Variants in FBXO38 observed in about 807,000 individuals in gnomAD.
FBXO38 encodes F-box protein 38, also known as F-box only protein 38.
FBXO38 carries 53 observed loss-of-function variants against 131.9 expected under a neutral mutation model. The ratio of observed to expected loss-of-function variants is 0.40; its 90% CI spans 0.32 to 0.51. The LOEUF is 0.51. Ranked by LOEUF, FBXO38 falls within the 20% of genes least tolerant of loss-of-function variation. FBXO38 has a pLI of 0.53. For synonymous variants in FBXO38, 452 were observed against 505.6 expected (o/e 0.89, Z 1.42); for missense variants, 1,076 against 1,475.6 (o/e 0.73, Z 4.44).
At chr5:148,429,861 T>A (rs1282207825) in intron 15 of FBXO38, among the ~76,000 whole-genome samples, 2 of 152,124 alleles carry the variant, frequency 1.3e-5, no homozygotes, top group Non-Finnish European at 2.9e-5. Context: ...TTTTCTTAAG[T>A]TAAATCATTC....
At chr5:148,395,506 A>G (rs1758435229) in intron 2 of FBXO38, among the ~76,000 whole-genome samples, 1 of 151,754 alleles carries the variant, frequency 6.6e-6, no homozygotes, top group Non-Finnish European at 1.5e-5. Flanking sequence ...CTGTCATTCT[A>G]GTTTCCACTG....
intron 13 of FBXO38, among the ~76,000 whole-genome samples, chr5:148,424,341 T>C (rs903320349): frequency 2.0e-5 from 3 of 152,236 alleles, no homozygotes; most frequent in Non-Finnish European, 4.4e-5. Context: ...CTGCTTTTTC[T>C]TTATAGCCAC....
In FBXO38 at chr5:148,417,035, T is replaced by A; in HGVS notation, c.1449T>A (p.Gly483=). Residue 483 remains glycine (G), a synonymous_variant, in exon 12 of 22, where the codon GGT becomes GGA. Coordinates refer to ENST00000340253, the MANE Select transcript of FBXO38 (RefSeq NM_205836.3). ...GTCTGAGTGCAGGCACAGGAATTGG[T>A]GTTTCATCAGCTCTTGTTAGCAACC... ...RVGLSAGTGI[G]VSSALVSNQN... is the part of the protein sequence containing the mutation. The A allele has an allele frequency of 1.2e-6, 2 of 1,613,906 alleles. No individual in the cohort carries two copies. Among genetic ancestry groups the A allele is most frequent in the Non-Finnish European group, 1.7e-6 (2 of 1,179,854 alleles).
chr5:148,406,833 C>G (rs1752472364), intron 7 of FBXO38, among the ~76,000 whole-genome samples: 1 of 152,072 alleles, frequency 6.6e-6, no homozygotes, highest in Non-Finnish European at 1.5e-5. Flanking sequence ...ATACATATTA[C>G]TTGGATATTG....
intron 10 of FBXO38, 105 bp from the exon 11 acceptor site, chr5:148,415,823 T>C (rs1753020831): frequency 8.2e-7 from 1 of 1,225,666 alleles, no homozygotes; most frequent in Non-Finnish European, 1.2e-6. Flanking sequence ...GGAAAAGTTA[T>C]TTTAAAAAAA....
Position 148,437,815 on chromosome 5 carries a change from A to T in FBXO38, c.2858-517A>T, listed in dbSNP as rs150855862. On this transcript the variant is annotated intron_variant, in intron 17 of 21. Coordinates refer to ENST00000340253, the MANE Select transcript of FBXO38 (RefSeq NM_205836.3). ...TTAATGTTCTGTGTCTACACTGTTC[A>T]GTATTATGGTAACCACTAACCACAT... 2.3e-3 allele frequency among the ~76,000 whole-genome samples: 356 copies of T among 152,270 alleles called. 1 individual carries two copies. Among genetic ancestry groups the T allele is most frequent in the African/African-American group, 7.7e-3 (321 of 41,562 alleles).
chr5:148,396,256 A>T lies in FBXO38; in HGVS notation c.128+1352A>T, dbSNP rs181624332. Among the ~76,000 whole-genome samples the T allele has an allele frequency of 5.3e-5, 8 of 152,272 alleles. No individual in the cohort carries two copies. In the East Asian group the frequency reaches 1.5e-3, roughly 29 times the overall value. ...AAAAAGTCTGTCAGAATAGCCAAAA[A>T]TTTTCAGAAAAAGAGTCTTGCAACT... On this transcript the variant is annotated intron_variant, in intron 2 of 21. Transcript: ENST00000340253.
intron 20 of FBXO38, 80 bp from the exon 21 acceptor site, chr5:148,441,044 C>T: frequency 1.1e-6 from 1 of 899,860 alleles, no homozygotes; most frequent in Non-Finnish European, 1.9e-6. Flanking sequence ...TTATATTTTA[C>T]ATTCTGCTTA....
intron 9 of FBXO38, 82 bp downstream of exon 9, chr5:148,410,847 T>C: frequency 1.5e-6 from 2 of 1,343,840 alleles, no homozygotes; most frequent in Admixed American, 4.9e-5. Context: ...GGTTGTGCCA[T>C]GTCTTTTTGA....
intron 15 of FBXO38, 90 bp from the exon 16 acceptor site, chr5:148,433,334 T>C (rs114474976): frequency 7.1e-6 from 6 of 843,460 alleles, no homozygotes; most frequent in Middle Eastern, 2.3e-4. Context: ...GGAATTACCT[T>C]GATTATGTTC....
intron 3 of FBXO38, 75 bp from the exon 4 acceptor site, chr5:148,401,907 A>T (rs1167504376): frequency 7.1e-7 from 1 of 1,412,084 alleles, no homozygotes; most frequent in African/African-American, 1.4e-5. Context: ...AACTTTTGGT[A>T]AAAATCACGA....
intron 2 of FBXO38, among the ~76,000 whole-genome samples, chr5:148,396,521 TG>T (rs1300558364): frequency 6.6e-6 from 1 of 152,150 alleles, no homozygotes; most frequent in Non-Finnish European, 1.5e-5. Flanking sequence ...AAATTCAAAA[TG>T]GGTCAGTGAA....
At chr5:148,394,371 T>C (rs1458314101) in intron 1 of FBXO38, among the ~76,000 whole-genome samples, 1 of 152,188 alleles carries the variant, frequency 6.6e-6, no homozygotes, top group Non-Finnish European at 1.5e-5. Context: ...CCTCATTTAA[T>C]GATCACACGT....
rs773633433 is a variant in FBXO38 at position 148,404,670 on chromosome 5, A to C, written c.593-15A>C. 4 of 1,518,908 alleles carry C rather than the reference A, an allele frequency of 2.6e-6. No individual in the cohort carries two copies. In the East Asian group the frequency reaches 9.8e-5, roughly 37 times the overall value. 94.1% of individuals were successfully genotyped at this position (1,518,908 alleles called of 1,614,324 possible). A position where few individuals can be genotyped will look rare whatever the true frequency, so the allele number is the denominator to read the frequency against. On this transcript the variant is annotated splice_polypyrimidine_tract_variant and intron_variant, in intron 5 of 21. Coordinates refer to ENST00000340253, the MANE Select transcript of FBXO38 (RefSeq NM_205836.3). ...ATTTTTTTCTTGTTTGTTCTTTTTT[A>C]TATTTGTGTTTTAGGGGTGAATGTT...
intron 1 of FBXO38, among the ~76,000 whole-genome samples, chr5:148,384,245 G>A (rs961595866): frequency 6.6e-6 from 1 of 152,164 alleles, no homozygotes; most frequent in Non-Finnish European, 1.5e-5. Flanking sequence ...GCTTGCGGGG[G>A]TTGCCTGCTT....
chr5:148,395,208 G>A (rs1561514087), intron 2 of FBXO38, among the ~76,000 whole-genome samples: 2 of 152,008 alleles, frequency 1.3e-5, no homozygotes, highest in Non-Finnish European at 2.9e-5. Flanking sequence ...GATTTTTATT[G>A]GCTAATAGAT....
rs58313354 is a variant in FBXO38, at chr5:148,416,970, G to C, written c.1408-24G>C. ...TATATACTAACCCAAATTAATAAAC[G>C]TATGTGTTTTGGTTTTGCCTTAGGG... On this transcript the variant is annotated intron_variant, in intron 11 of 21. Transcript: ENST00000340253. 53,334 of 1,512,418 alleles carry C rather than the reference G, an allele frequency of 0.035. 3,154 individuals are homozygous for C. Among genetic ancestry groups the C allele is most frequent in the East Asian group, 0.22 (9,764 of 44,440 alleles). 93.7% of individuals were successfully genotyped at this position (1,512,418 alleles called of 1,614,324 possible). A position where few individuals can be genotyped will look rare whatever the true frequency, so the allele number is the denominator to read the frequency against.
In FBXO38 at chr5:148,424,077, C is replaced by A. The variant is rs375251121; in HGVS notation, c.1698C>A (p.Ser566Arg). The A allele has an allele frequency of 1.2e-6, 2 of 1,613,480 alleles. No homozygotes were observed. The highest frequency in any genetic ancestry group is 2.7e-5 in the African/African-American group (2 of 74,896). Reference sequence around the variant, plus strand: ...GTGGAAATAATACTCCAGCTCACAGCCAGGCAATTATTCCTGTGGATGTTG... The same window carrying A: ...GTGGAAATAATACTCCAGCTCACAGACAGGCAATTATTCCTGTGGATGTTG... ...AESGNNTPAH[S>R]QAIIPVDVDE... Residue 566 changes from serine (S) to arginine (R), a missense_variant, in exon 13 of 22, where the codon AGC becomes AGA. Transcript: ENST00000340253.
chr5:148,392,425 G>A (rs1261957079), intron 1 of FBXO38, among the ~76,000 whole-genome samples: 1 of 151,882 alleles, frequency 6.6e-6, no homozygotes, highest in Non-Finnish European at 1.5e-5. Context: ...GGGAGGGGGA[G>A]GGTTCGTGAT....
Sources: gnomAD v4.1 joint callset for allele counts (sites outside exome capture counted in the v4.1 genomes callset) on GRCh38, gnomAD v4.1.1 for gene constraint, MANE v1.5 for transcripts, NCBI Gene and HGNC (gene_info 2026-07-23, HGNC 2026-07-21) for gene names.